Variants in NT5DC1 observed in about 807,000 individuals in gnomAD.
NT5DC1 encodes the protein 5'-nucleotidase domain containing 1.
In NT5DC1, 42 loss-of-function variants were observed where a neutral mutation model predicts 59.4. The ratio of observed to expected loss-of-function variants is 0.71; its 90% confidence interval spans 0.55 to 0.92. The LOEUF is 0.92. Ranked by LOEUF, NT5DC1 falls within the 40% of genes least tolerant of loss-of-function variation. The probability of loss-of-function intolerance (pLI) is 0.00; values close to 1 mark genes in which losing one functional copy is unlikely to be tolerated. For synonymous variants in NT5DC1, 172 were observed against 188.1 expected (o/e 0.91, Z 0.70); for missense variants, 501 against 537.1 (o/e 0.93, Z 0.66).
rs1427925317 is a variant in NT5DC1, at chr6:116,245,320, A to G, written c.*1296A>G. On this transcript the variant is annotated 3_prime_UTR_variant, in exon 12 of 12. Transcript: ENST00000319550. The stretch of plus-strand genomic sequence containing the variant: ...GGTTTTCACTATCTGGTTTACAAAC[A>G]CTATCATTATTTTACCTGGATTGAA... 6.6e-6 allele frequency: 1 copy of G among 152,568 alleles called. No individual in the cohort carries two copies. Among genetic ancestry groups the G allele is most frequent in the Admixed American group, 6.5e-5 (1 of 15,278 alleles). 9.5% of individuals were successfully genotyped at this position (152,568 alleles called of 1,614,324 possible).
intron 8 of NT5DC1, 83 bp from the exon 9 acceptor site, chr6:116,236,883 G>A: frequency 2.5e-6 from 2 of 800,384 alleles, no homozygotes; most frequent in Admixed American, 1.9e-5. Context: ...TACATGTCCT[G>A]TAGCCATGCC....
chr6:116,135,872 T>TATAC (rs368675402), intron 6 of NT5DC1, among the ~76,000 whole-genome samples: 125 of 121,270 alleles, frequency 1.0e-3, no homozygotes, highest in Non-Finnish European at 1.4e-3. Flanking sequence ...TATATATATA[T>TATAC]ACACACATAC....
intron 6 of NT5DC1, among the ~76,000 whole-genome samples, chr6:116,204,321 G>A (rs1248004483): frequency 6.6e-6 from 1 of 151,970 alleles, no homozygotes. Flanking sequence ...AGCCTTGAAT[G>A]TAGAAATGTA....
rs1371189945 is a variant in NT5DC1, at chr6:116,245,840, T to C, written c.*1816T>C. The C allele has an allele frequency of 6.6e-6, 1 of 152,090 alleles. No individual in the cohort carries two copies. The highest frequency in any genetic ancestry group is 2.4e-5 in the African/African-American group (1 of 41,428). 9.4% of individuals were successfully genotyped at this position (152,090 alleles called of 1,614,324 possible). Reference sequence around the variant, plus strand: ...GGGGGTTCAGGAGGCAGAATTCAGTTGTCAGAAGTTCTAGTATTCCCTTTA... The same window carrying C: ...GGGGGTTCAGGAGGCAGAATTCAGTCGTCAGAAGTTCTAGTATTCCCTTTA... On this transcript the variant is annotated 3_prime_UTR_variant, in exon 12 of 12. Transcript: ENST00000319550.
intron 6 of NT5DC1, chr6:116,121,715 A>G (rs1308458757): frequency 6.2e-7 from 1 of 1,613,682 alleles, no homozygotes; most frequent in African/African-American, 1.3e-5. Flanking sequence ...GGGTCCTGGT[A>G]GGCCAGCTGG....
At chr6:116,151,012 CTT>C (rs770213828) in intron 6 of NT5DC1, among the ~76,000 whole-genome samples, 25 of 152,152 alleles carry the variant, frequency 1.6e-4, no homozygotes, top group Non-Finnish European at 2.5e-4. Context: ...ATTAACAACT[CTT>C]TGTGGCATTT....
chr6:116,147,921 G>C (rs1779938576), intron 6 of NT5DC1, among the ~76,000 whole-genome samples: 1 of 151,992 alleles, frequency 6.6e-6, no homozygotes, highest in Non-Finnish European at 1.5e-5. Flanking sequence ...GGGAGGCGGA[G>C]GTTGCAGGGA....
Position 116,106,137 on chromosome 6 carries a change from C to T in NT5DC1, c.94-107C>T, listed in dbSNP as rs2114898188. On this transcript the variant is annotated intron_variant, in intron 1 of 11. Transcript: ENST00000319550. ...ACTTCACAATTACAGATATTTCCTTCCTCCTACCTGCCCCCATCAGCAATT... is the reference window on the plus strand; with the variant it reads ...ACTTCACAATTACAGATATTTCCTTTCTCCTACCTGCCCCCATCAGCAATT... 6 of 734,978 alleles carry T rather than the reference C, an allele frequency of 8.2e-6. No homozygotes were observed. In the South Asian group the frequency reaches 9.0e-5, roughly 11 times the overall value. 45.5% of individuals were successfully genotyped at this position (734,978 alleles called of 1,614,324 possible).
intron 6 of NT5DC1, among the ~76,000 whole-genome samples, chr6:116,209,134 T>A (rs915302668): frequency 6.6e-6 from 1 of 152,078 alleles, no homozygotes; most frequent in African/African-American, 2.4e-5. Context: ...TTTTATTACG[T>A]TACTGTCCCG....
intron 8 of NT5DC1, among the ~76,000 whole-genome samples, chr6:116,235,216 T>C (rs1408417287): frequency 6.6e-6 from 1 of 152,212 alleles, no homozygotes; most frequent in Non-Finnish European, 1.5e-5. Context: ...CTGTAAATTA[T>C]TCATTTCCAA....
At chr6:116,146,665 T>G (rs1779905433) in intron 6 of NT5DC1, among the ~76,000 whole-genome samples, 1 of 152,196 alleles carries the variant, frequency 6.6e-6, no homozygotes, top group Non-Finnish European at 1.5e-5. Flanking sequence ...TAACTTATGT[T>G]TCTTAAACTT....
intron 8 of NT5DC1, among the ~76,000 whole-genome samples, chr6:116,234,822 G>A (rs757028007): frequency 2.6e-5 from 4 of 152,102 alleles, no homozygotes; most frequent in East Asian, 3.9e-4. Flanking sequence ...TCAGTTCTGC[G>A]GCTTTCACAG....
intron 6 of NT5DC1, among the ~76,000 whole-genome samples, chr6:116,219,265 G>A (rs1781746131): frequency 1.3e-5 from 2 of 152,198 alleles, no homozygotes; most frequent in African/African-American, 4.8e-5. Context: ...CGTGCTTTGT[G>A]TTGATGATAA....
chr6:116,141,755 TTTTG>T (rs749522551), intron 6 of NT5DC1, among the ~76,000 whole-genome samples: 5 of 151,226 alleles, frequency 3.3e-5, no homozygotes, highest in Non-Finnish European at 5.9e-5. Context: ...CATTTTCTTC[TTTTG>T]TTTTTTTTTT....
chr6:116,238,212 A>G lies in NT5DC1; in HGVS notation c.947A>G (p.His316Arg), dbSNP rs750857749. ...PKVVYFGDSMHSDIFPARHYS... is the reference protein window; with the variant it reads ...PKVVYFGDSMRSDIFPARHYS... ...GTTGTTTATTTTGGTGACAGCATGC[A>G]TTCAGATATTTTCCCAGCTCGTCAC... is the stretch of plus-strand genomic sequence containing the variant. The change falls in exon 10 of 12, where the codon CAT becomes CGT. Residue 316 changes from histidine to arginine, a missense_variant. Coordinates refer to ENST00000319550, the MANE Select transcript of NT5DC1 (RefSeq NM_152729.3). 1.2e-6 allele frequency: 2 copies of G among 1,611,942 alleles called. No individual in the cohort carries two copies. Among genetic ancestry groups the G allele is most frequent in the Non-Finnish European group, 1.7e-6 (2 of 1,178,818 alleles).
At chr6:116,121,202 C>A (rs183121424) in intron 6 of NT5DC1, 1 of 1,613,680 alleles carries the variant, frequency 6.2e-7, no homozygotes, top group African/African-American at 1.3e-5. Context: ...TCCCTTCAGG[C>A]CTGGCAAGCC....
At chr6:116,183,399 T>G (rs1249029178) in intron 6 of NT5DC1, among the ~76,000 whole-genome samples, 1 of 152,086 alleles carries the variant, frequency 6.6e-6, no homozygotes, top group Non-Finnish European at 1.5e-5. Flanking sequence ...TTTTTTCTAG[T>G]TCTGTGAAGA....
intron 6 of NT5DC1, among the ~76,000 whole-genome samples, chr6:116,140,597 T>G (rs557284949): frequency 1.3e-5 from 2 of 152,302 alleles, no homozygotes; most frequent in South Asian, 4.1e-4. Context: ...CCTGATGGCA[T>G]TCCCTGTGTT....
intron 6 of NT5DC1, among the ~76,000 whole-genome samples, chr6:116,154,476 C>T (rs772092179): frequency 2.0e-5 from 3 of 152,036 alleles, no homozygotes; most frequent in Non-Finnish European, 2.9e-5. Context: ...TGATAATGTT[C>T]CTGCTCTGTG....
Sources: gnomAD v4.1 joint callset for allele counts (sites outside exome capture counted in the v4.1 genomes callset) on GRCh38, gnomAD v4.1.1 for gene constraint, MANE v1.5 for transcripts, NCBI Gene and HGNC (gene_info 2026-07-23, HGNC 2026-07-21) for gene names.